The following ATRX variants were observed in gnomAD, a reference collection of about 807,000 sequenced individuals.
ATRX encodes ATRX chromatin remodeler.
Under a neutral mutation model 172.6 loss-of-function variants are expected in ATRX, and 12 were observed. The observed-to-expected ratio is 0.07, with a 90% confidence interval of 0.04 to 0.11. The LOEUF (loss-of-function observed/expected upper bound fraction) is 0.11. Among genes scored for constraint, ATRX ranks in the 10% least tolerant of loss-of-function variants. The pLI is 1.00. For missense variants in ATRX, 1,368 were observed against 1,767.4 expected (o/e 0.77, Z 4.05); for synonymous variants, 674 against 594.7 (o/e 1.13, Z -1.94).
chrX:77,563,972 T>C (rs1233724423), intron 28 of ATRX, among the ~76,000 whole-genome samples: 3 of 110,792 alleles, frequency 2.7e-5, no homozygotes, highest in African/African-American at 9.9e-5. Flanking sequence ...CTCGATAAGA[T>C]GGATGTCCCA....
rs781904850 is a variant in ATRX, at chrX:77,593,229, G to GAA, written c.6110+465_6110+466dup. Among the ~76,000 whole-genome samples, 7 of 55,164 alleles carry GAA rather than the reference G, an allele frequency of 1.3e-4. No homozygotes were observed. The South Asian group carries it at 4.6e-3, about 36-fold the overall frequency. The allele number at this position is 55,164 out of a possible 115,157, so 47.9% of individuals were successfully genotyped here. ...ACAGAGCAAGACCCTGTCTCATAAT[G>GAA]AAAAAAAAAAAAAAAAGAAGAAGAA... On this transcript the variant is annotated intron_variant, in intron 26 of 34. Transcript: ENST00000373344.
intron 1 of ATRX, among the ~76,000 whole-genome samples, chrX:77,765,351 A>G (rs980894190): frequency 8.9e-6 from 1 of 112,472 alleles, no homozygotes; most frequent in Non-Finnish European, 1.9e-5. Context: ...CTATTGTCAC[A>G]GCAATAGAAG....
chrX:77,759,220 CA>C (rs1335927088), intron 1 of ATRX, among the ~76,000 whole-genome samples: 8 of 111,430 alleles, frequency 7.2e-5, no homozygotes, highest in Non-Finnish European at 1.1e-4. Context: ...TGAAGAACTG[CA>C]GAACAAGAAC....
chrX:77,669,520 C>T (rs1557128347), intron 10 of ATRX, among the ~76,000 whole-genome samples: 2 of 111,113 alleles, frequency 1.8e-5, no homozygotes, highest in African/African-American at 6.6e-5. Flanking sequence ...AACAGGCTTT[C>T]ACCATGTTGA....
At chrX:77,606,614 G>C (rs2066911234) in intron 22 of ATRX, among the ~76,000 whole-genome samples, 1 of 110,980 alleles carries the variant, frequency 9.0e-6, no homozygotes, top group Admixed American at 9.6e-5. Flanking sequence ...TCCTAGGGAT[G>C]CAACGATGGC....
intron 1 of ATRX, among the ~76,000 whole-genome samples, chrX:77,747,095 G>A (rs782609206): frequency 9.0e-6 from 1 of 110,747 alleles, no homozygotes; most frequent in African/African-American, 3.3e-5. Context: ...CACCGCGCCC[G>A]GCCTGAAAAA....
At chrX:77,651,217 CAAAAAAAAAAAAAA>C (rs1170232589) in intron 15 of ATRX, among the ~76,000 whole-genome samples, 50 of 16,484 alleles carry the variant, frequency 3.0e-3, no homozygotes, top group Middle Eastern at 0.12. Flanking sequence ...AACTCCATCT[CAAAAAAAAAAAAAA>C]AAAAAAAAAA....
At chrX:77,512,794 G>A (rs370316037) in intron 34 of ATRX, among the ~76,000 whole-genome samples, 11 of 111,061 alleles carry the variant, frequency 9.9e-5, no homozygotes, top group East Asian at 2.8e-4. Flanking sequence ...GCTCAAACCC[G>A]GGAAGGCAGA....
intron 28 of ATRX, among the ~76,000 whole-genome samples, chrX:77,565,619 G>A (rs1379701727): frequency 8.9e-6 from 1 of 111,951 alleles, no homozygotes; most frequent in Non-Finnish European, 1.9e-5. Flanking sequence ...AAGTTGGGAG[G>A]CAAAGGCACG....
intron 1 of ATRX, among the ~76,000 whole-genome samples, chrX:77,744,911 G>A (rs1557184063): frequency 1.8e-5 from 2 of 109,512 alleles, no homozygotes; most frequent in African/African-American, 3.3e-5. Context: ...CAGGAGAATG[G>A]CTTGAACCGA....
rs1394422818 is a variant in ATRX, at chrX:77,634,416, C to T, written c.4809+178G>A. 1.2e-5 allele frequency: 5 copies of T among 419,010 alleles called. No individual in the cohort carries two copies. In the East Asian group the frequency reaches 2.0e-4, roughly 17 times the overall value. The allele number at this position is 419,010 out of a possible 1,213,427, so 34.5% of individuals were successfully genotyped here. On this transcript the variant is annotated intron_variant, in intron 17 of 34. Coordinates refer to ENST00000373344, the MANE Select transcript of ATRX (RefSeq NM_000489.6). ...ATTCATTTTCTGAAAGTACATATTT[C>T]TTATTTGATTAGCAGCTCTCTCCTC...
chrX:77,735,637 A>AATAAAAAAAAAT (rs1422350357), intron 1 of ATRX, among the ~76,000 whole-genome samples: 1 of 86,504 alleles, frequency 1.2e-5, no homozygotes, highest in Non-Finnish European at 2.3e-5. Context: ...TAAATAAATA[A>AATAAAAAAAAAT]AAATAAATAC....
chrX:77,710,841 G>A (rs1557160527), intron 2 of ATRX, among the ~76,000 whole-genome samples: 1 of 110,576 alleles, frequency 9.0e-6, no homozygotes, highest in African/African-American at 3.3e-5. Flanking sequence ...ATGCCAAGAT[G>A]AGGAATCCTG....
At chrX:77,552,013 C>T (rs1326839346) in intron 30 of ATRX, among the ~76,000 whole-genome samples, 24 of 111,675 alleles carry the variant, frequency 2.1e-4, no homozygotes, top group African/African-American at 7.5e-4. Flanking sequence ...CACTTTTACA[C>T]TGTTGGTGGG....
chrX:77,543,793 C>T (rs1264551694), intron 30 of ATRX, among the ~76,000 whole-genome samples: 15 of 108,948 alleles, frequency 1.4e-4, no homozygotes, highest in Non-Finnish European at 2.5e-4. Context: ...GAATATCACA[C>T]ACTGGGGCCT....
intron 30 of ATRX, among the ~76,000 whole-genome samples, chrX:77,535,899 G>GTT (rs76403382): frequency 8.4e-5 from 8 of 95,765 alleles, no homozygotes; most frequent in South Asian, 4.8e-4. Flanking sequence ...ATTTTTTTGT[G>GTT]TTTTTTTTTT....
intron 8 of ATRX, 130 bp downstream of exon 8, chrX:77,684,809 A>C: frequency 2.6e-6 from 2 of 781,016 alleles, no homozygotes; most frequent in South Asian, 4.7e-5. Context: ...CCAGGGTTTT[A>C]TGGAAAAGAA....
intron 1 of ATRX, among the ~76,000 whole-genome samples, chrX:77,732,833 T>G (rs2074360320): frequency 9.0e-6 from 1 of 111,562 alleles, no homozygotes; most frequent in Admixed American, 9.6e-5. Flanking sequence ...GGGGAAAAAC[T>G]GAACGCCTTT....
intron 9 of ATRX, among the ~76,000 whole-genome samples, chrX:77,679,329 A>G (rs1052299966): frequency 3.6e-5 from 4 of 111,202 alleles, no homozygotes; most frequent in African/African-American, 9.8e-5. Context: ...CAGTTGAAGG[A>G]TTGGAATTTG....
Sources: allele counts gnomAD v4.1 joint callset (sites outside exome capture counted in the v4.1 genomes callset), GRCh38; gene constraint gnomAD v4.1.1; transcripts MANE v1.5; gene names NCBI Gene and HGNC (gene_info 2026-07-23, HGNC 2026-07-21).